MTF2: variants seen among roughly 807,000 people sequenced by gnomAD.
The protein encoded by MTF2 is metal response element binding transcription factor 2, also known as metal-response element-binding transcription factor 2.
MTF2 carries 11 observed loss-of-function variants against 79.5 expected under a neutral mutation model. That is an observed-to-expected ratio of 0.14 (90% CI 0.09 to 0.23). The LOEUF is 0.23. MTF2 is among the 10% of genes least tolerant of loss of function. MTF2 has a pLI of 1.00. For synonymous variants in MTF2, 208 were observed against 232.8 expected (o/e 0.89, Z 0.97); for missense variants, 486 against 711.2 (o/e 0.68, Z 3.60).
intron 1 of MTF2, among the ~76,000 whole-genome samples, chr1:93,087,928 T>C (rs141766012): frequency 3.1e-3 from 387 of 123,002 alleles, no homozygotes; most frequent in African/African-American, 8.9e-3. Flanking sequence ...GAGGAGAAAA[T>C]GAGATATGAA....
At chr1:93,087,310 G>T (rs138709198) in intron 1 of MTF2, among the ~76,000 whole-genome samples, 1 of 152,132 alleles carries the variant, frequency 6.6e-6, no homozygotes, top group African/African-American at 2.4e-5. Context: ...GGTGGCTCAC[G>T]CCTGTAATCC....
rs1363539301 is a variant in MTF2 at position 93,138,061 on chromosome 1, G to A, written c.*1034G>A. The A allele has an allele frequency of 6.6e-6, 1 of 152,180 alleles. No individual in the cohort carries two copies. The allele number at this position is 152,180 out of a possible 1,614,324, so 9.4% of individuals were successfully genotyped here. On this transcript the variant is annotated 3_prime_UTR_variant, in exon 15 of 15. Transcript: ENST00000370298. ...CCTGAAATGTCTGTAGTAACTGTTAGTCATGTTTGAATAAGTGTAGTATGA... is the reference window on the plus strand; with the variant it reads ...CCTGAAATGTCTGTAGTAACTGTTAATCATGTTTGAATAAGTGTAGTATGA...
intron 1 of MTF2, among the ~76,000 whole-genome samples, chr1:93,089,687 G>A (rs1654990297): frequency 6.6e-6 from 1 of 151,960 alleles, no homozygotes; most frequent in South Asian, 2.1e-4. Context: ...CAGGTAGTTG[G>A]GACTACATGC....
chr1:93,106,878 G>A (rs912232151), intron 1 of MTF2, among the ~76,000 whole-genome samples: 4 of 152,162 alleles, frequency 2.6e-5, no homozygotes, highest in Admixed American at 6.5e-5. Context: ...CTGTGAAGCC[G>A]TTAAATTGTT....
chr1:93,092,791 A>G (rs1016519834), intron 1 of MTF2, among the ~76,000 whole-genome samples: 6 of 152,176 alleles, frequency 3.9e-5, no homozygotes, highest in Non-Finnish European at 8.8e-5. Flanking sequence ...AACATTTTAA[A>G]CTGTTTTCAT....
chr1:93,085,015 T>G (rs1054817401), intron 1 of MTF2, among the ~76,000 whole-genome samples: 10 of 152,214 alleles, frequency 6.6e-5, no homozygotes, highest in African/African-American at 2.4e-4. Flanking sequence ...CCTCTGTTGA[T>G]TCTCAGTTCT....
Position 93,121,541 on chromosome 1 carries a change from A to T in MTF2, c.921+869A>T, listed in dbSNP as rs111375705. On this transcript the variant is annotated intron_variant, in intron 9 of 14. Transcript: ENST00000370298. ...AGCTTTGAGACACGAAGGACATCCTATTTCATATCAAATAGGATATCAAAG... is the reference window on the plus strand; with the variant it reads ...AGCTTTGAGACACGAAGGACATCCTTTTTCATATCAAATAGGATATCAAAG... 1.8e-5 allele frequency: 18 copies of T among 984,302 alleles called. No individual in the cohort carries two copies. In the African/African-American group the frequency reaches 2.6e-4, roughly 14 times the overall value. The allele number at this position is 984,302 out of a possible 1,614,324, so 61.0% of individuals were successfully genotyped here. A position where few individuals can be genotyped will look rare whatever the true frequency, so the allele number is the denominator to read the frequency against.
intron 3 of MTF2, 38 bp downstream of exon 3, chr1:93,110,664 A>G (rs773157966): frequency 1.9e-5 from 28 of 1,502,382 alleles, no homozygotes; most frequent in Non-Finnish European, 2.6e-5. Flanking sequence ...GATTTAAATT[A>G]AAATTTGATT....
At chr1:93,100,900 T>C (rs536817095) in intron 1 of MTF2, among the ~76,000 whole-genome samples, 1 of 152,366 alleles carries the variant, frequency 6.6e-6, no homozygotes, top group Non-Finnish European at 1.5e-5. Flanking sequence ...TTTGACTATA[T>C]CTGTATGAAA....
chr1:93,089,825 C>T (rs577767175), intron 1 of MTF2, among the ~76,000 whole-genome samples: 6 of 149,594 alleles, frequency 4.0e-5, no homozygotes, highest in South Asian at 2.2e-4. Context: ...TCTCAGCCTC[C>T]CCAGTATTAA....
chr1:93,084,079 T>C (rs1654732232), intron 1 of MTF2, among the ~76,000 whole-genome samples: 1 of 152,118 alleles, frequency 6.6e-6, no homozygotes, highest in African/African-American at 2.4e-5. Flanking sequence ...TTTTTTTTGC[T>C]TATGCTTTTG....
At chr1:93,091,155 G>A (rs571727627) in intron 1 of MTF2, among the ~76,000 whole-genome samples, 1 of 152,232 alleles carries the variant, frequency 6.6e-6, no homozygotes, top group South Asian at 2.1e-4. Flanking sequence ...GTGCTCGTAT[G>A]TGACGTTTGA....
chr1:93,082,460 T>A (rs1167869200), intron 1 of MTF2, among the ~76,000 whole-genome samples: 1 of 151,918 alleles, frequency 6.6e-6, no homozygotes, highest in Non-Finnish European at 1.5e-5. Flanking sequence ...TTTAAATTTT[T>A]AATTTTTTTT....
At chr1:93,092,147 ATTTC>A (rs1364993407) in intron 1 of MTF2, among the ~76,000 whole-genome samples, 7 of 151,806 alleles carry the variant, frequency 4.6e-5, no homozygotes, top group Non-Finnish European at 1.0e-4. Context: ...CTATAATTTT[ATTTC>A]TTAGAGCTCC....
Position 93,079,433 on chromosome 1 carries a change from C to CTA in MTF2, c.-94_-93insTA. 1 of 1,533,918 alleles carries CTA rather than the reference C, an allele frequency of 6.5e-7. No homozygotes were observed. The highest frequency in any genetic ancestry group is 1.4e-5 in the African/African-American group (1 of 73,378). ...GCCGGGTACCCGGTGGGGCGGGTGCCCAGTAAGTGCTCGGACTCGCAGGGG... is the reference window on the plus strand; with the variant it reads ...GCCGGGTACCCGGTGGGGCGGGTGCCTACAGTAAGTGCTCGGACTCGCAGGGG... On this transcript the variant is annotated 5_prime_UTR_variant, in exon 1 of 15. The change abolishes the stop of an existing upstream ORF in the 5' untranslated region. Transcript: ENST00000370298.
chr1:93,093,043 G>T (rs1254193434), intron 1 of MTF2, among the ~76,000 whole-genome samples: 1 of 151,964 alleles, frequency 6.6e-6, no homozygotes, highest in Non-Finnish European at 1.5e-5. Context: ...TTAGCCAGGC[G>T]TGGTGGCACA....
intron 10 of MTF2, among the ~76,000 whole-genome samples, chr1:93,128,606 T>C (rs1332469682): frequency 6.7e-6 from 1 of 149,908 alleles, no homozygotes; most frequent in Non-Finnish European, 1.5e-5. Flanking sequence ...TCTAAACAAC[T>C]GATGGAGGTT....
rs746340007 is a variant in MTF2 at position 93,129,435 on chromosome 1, A to G, written c.1147A>G (p.Ile383Val). 2.6e-6 allele frequency: 4 copies of G among 1,513,872 alleles called. No homozygotes were observed. Among genetic ancestry groups the G allele is most frequent in the African/African-American group, 1.4e-5 (1 of 72,238 alleles). 93.8% of individuals were successfully genotyped at this position (1,513,872 alleles called of 1,614,324 possible). A position where few individuals can be genotyped will look rare whatever the true frequency, so the allele number is the denominator to read the frequency against. Residue 383 changes from isoleucine to valine, a missense_variant, in exon 11 of 15, where the codon ATA becomes GTA. By Grantham distance (29) the Ile-to-Val change is conservative (BLOSUM62 3). Coordinates refer to ENST00000370298, the MANE Select transcript of MTF2 (RefSeq NM_007358.4). ...KIKGRKASKP[I>V]SDSREVSNGI... ...TAAAGGCAGAAAGGCATCCAAACCT[A>G]TATCTGATTCAAGGTAAAAGTTGAT...
chr1:93,121,359 T>C (rs1299508519), intron 9 of MTF2: 1 of 818,342 alleles, frequency 1.2e-6, no homozygotes, highest in Non-Finnish European at 1.5e-6. Flanking sequence ...TTAGCTTTTA[T>C]TTAGAATTAC....
Sources: allele counts gnomAD v4.1 joint callset (sites outside exome capture counted in the v4.1 genomes callset), GRCh38; gene constraint gnomAD v4.1.1; transcripts MANE v1.5; gene names NCBI Gene and HGNC (gene_info 2026-07-23, HGNC 2026-07-21).